Variants in TPD52 observed in about 807,000 individuals in gnomAD.
The protein encoded by TPD52 is tumor protein D52.
A neutral mutation model predicts 31.3 loss-of-function variants in TPD52; 17 were observed. The ratio of observed to expected loss-of-function variants is 0.54; its 90% CI spans 0.37 to 0.82. The LOEUF is 0.82. Among genes scored for constraint, TPD52 ranks in the 40% least tolerant of loss-of-function variants. TPD52 has a pLI of 0.00. For missense variants in TPD52, 212 were observed against 240.1 expected, an observed-to-expected ratio of 0.88 and a Z score of 0.77; for synonymous variants, 83 against 89.6, an observed-to-expected ratio of 0.93 and a Z score of 0.42.
At chr8:80,064,390 T>C (rs976962977) in intron 2 of TPD52, 88 bp downstream of exon 2, 58 of 1,077,930 alleles carry the variant, frequency 5.4e-5, no homozygotes, top group Non-Finnish European at 7.8e-5. Context: ...TGGAACTAAC[T>C]ATAAACATAT....
intron 1 of TPD52, among the ~76,000 whole-genome samples, chr8:80,141,909 C>CA (rs1318880406): frequency 3.0e-4 from 42 of 138,724 alleles, no homozygotes; most frequent in African/African-American, 1.0e-3. Context: ...GACTCTGGCT[C>CA]AAAAAAACAA....
chr8:80,132,543 C>A (rs1306828349), intron 1 of TPD52, among the ~76,000 whole-genome samples: 1 of 152,144 alleles, frequency 6.6e-6, no homozygotes, highest in Non-Finnish European at 1.5e-5. Context: ...TGAAAATTAA[C>A]TTTTCTATGT....
At chr8:80,154,055 C>T (rs963006489) in intron 1 of TPD52, among the ~76,000 whole-genome samples, 10 of 152,242 alleles carry the variant, frequency 6.6e-5, no homozygotes, top group African/African-American at 2.4e-4. Flanking sequence ...GCAGAACCTG[C>T]CCCACTGTGA....
chr8:80,133,837 G>C (rs1352743238), intron 1 of TPD52, among the ~76,000 whole-genome samples: 1 of 151,964 alleles, frequency 6.6e-6, no homozygotes, highest in African/African-American at 2.4e-5. Flanking sequence ...GGGCAAGGAG[G>C]GGGAGGATAT....
chr8:80,076,860 T>C (rs553913966), intron 1 of TPD52, among the ~76,000 whole-genome samples: 4 of 152,278 alleles, frequency 2.6e-5, no homozygotes, highest in African/African-American at 9.6e-5. Context: ...TTGGTAGAGA[T>C]GGGGTTTCAC....
chr8:80,100,457 C>T (rs906335600), intron 1 of TPD52, among the ~76,000 whole-genome samples: 4 of 152,220 alleles, frequency 2.6e-5, no homozygotes, highest in East Asian at 3.8e-4. Context: ...CAATTGTTTT[C>T]GGAACAGAAA....
chr8:80,085,290 G>C (rs1279392367), intron 1 of TPD52, among the ~76,000 whole-genome samples: 1 of 152,200 alleles, frequency 6.6e-6, no homozygotes, highest in Non-Finnish European at 1.5e-5. Flanking sequence ...AACCGGAGAC[G>C]ACTCATGTCA....
chr8:80,033,277 G>A (rs1236235182), downstream of TPD52: 2 of 149,486 alleles, frequency 1.3e-5, no homozygotes, highest in Admixed American at 6.7e-5. Flanking sequence ...AACTCTTCTC[G>A]TTGCCTGCAA....
At chr8:80,140,950 CGTGT>C (rs142097159) in intron 1 of TPD52, among the ~76,000 whole-genome samples, 7,352 of 143,722 alleles carry the variant, frequency 0.051, 225 homozygotes, top group Admixed American at 0.079. Flanking sequence ...CAATACAACT[CGTGT>C]GTGTGTGTGT....
intron 1 of TPD52, among the ~76,000 whole-genome samples, chr8:80,089,299 A>T (rs1230390465): frequency 6.6e-6 from 1 of 152,184 alleles, no homozygotes; most frequent in African/African-American, 2.4e-5. Flanking sequence ...CCAACGTGTG[A>T]TACCCCAGCA....
Position 80,084,116 on chromosome 8 carries a change from A to G in TPD52, c.20-19523T>C, listed in dbSNP as rs139309584. Among the ~76,000 whole-genome samples the G allele has an allele frequency of 3.4e-3, 518 of 152,156 alleles. 4 individuals carry two copies. Among genetic ancestry groups the G allele is most frequent in the African/African-American group, 0.012 (479 of 41,486 alleles). On this transcript the variant is annotated intron_variant, in intron 1 of 7. Transcript: ENST00000518937. The stretch of plus-strand genomic sequence containing the variant: ...GGGTGAGACCCACTCTATTGTTACT[A>G]TGTTTTTCCTTCTGGGAGGGACCAG...
chr8:80,070,735 T>C (rs1813682642), intron 1 of TPD52, among the ~76,000 whole-genome samples: 1 of 152,170 alleles, frequency 6.6e-6, no homozygotes, highest in Admixed American at 6.5e-5. Context: ...ATGAGAAAAC[T>C]GAGGACAGAT....
Position 80,035,165 on chromosome 8 carries a change from C to A in TPD52, c.*2951G>T, listed in dbSNP as rs561859289. ...TTCACTATGGGCAAAAATGTGATTT[C>A]TTCATCTGGGCTTTAAGAGCTATAA... is the stretch of plus-strand genomic sequence containing the variant. On this transcript the variant is annotated 3_prime_UTR_variant, in exon 8 of 8. Coordinates refer to ENST00000518937, the MANE Select transcript of TPD52 (RefSeq NM_001025253.3). 6.6e-6 allele frequency: 1 copy of A among 152,186 alleles called. No homozygotes were observed. Among genetic ancestry groups the A allele is most frequent in the African/African-American group, 2.4e-5 (1 of 41,444 alleles). The allele number at this position is 152,186 out of a possible 1,614,324, so 9.4% of individuals were successfully genotyped here. A position where few individuals can be genotyped will look rare whatever the true frequency, so the allele number is the denominator to read the frequency against.
intron 1 of TPD52, among the ~76,000 whole-genome samples, chr8:80,139,793 T>G (rs2131135411): frequency 6.6e-6 from 1 of 152,046 alleles, no homozygotes; most frequent in African/African-American, 2.4e-5. Flanking sequence ...TACAACGGCG[T>G]TTTTCAATCC....
chr8:80,142,126 C>T (rs1809872754), intron 1 of TPD52, among the ~76,000 whole-genome samples: 1 of 152,128 alleles, frequency 6.6e-6, no homozygotes, highest in South Asian at 2.1e-4. Context: ...TCACTTCTTT[C>T]TCTTAAATGG....
At chr8:80,061,263 C>T (rs192895164) in intron 2 of TPD52, among the ~76,000 whole-genome samples, 17 of 152,138 alleles carry the variant, frequency 1.1e-4, no homozygotes, top group Admixed American at 1.1e-3. Flanking sequence ...ACTCGGGAGG[C>T]TGAGGCAGGA....
Position 80,037,605 on chromosome 8 carries a change from CA to C in TPD52, c.*510del, listed in dbSNP as rs1208064650. 2 of 152,350 alleles carry C rather than the reference CA, an allele frequency of 1.3e-5. No individual in the cohort carries two copies. The highest frequency in any genetic ancestry group is 3.9e-4 in the East Asian group (2 of 5,186). The allele number at this position is 152,350 out of a possible 1,614,324, so 9.4% of individuals were successfully genotyped here. A position where few individuals can be genotyped will look rare whatever the true frequency, so the allele number is the denominator to read the frequency against. ...CCTTATACCAAAACAATGCTTATTC[CA>C]AAATATTTTTTGTAGCTAGTAGTTC... On this transcript the variant is annotated 3_prime_UTR_variant, in exon 8 of 8. Coordinates refer to ENST00000518937, the MANE Select transcript of TPD52 (RefSeq NM_001025253.3).
chr8:80,161,078 A>G (rs532330897), intron 1 of TPD52, among the ~76,000 whole-genome samples: 89 of 152,280 alleles, frequency 5.8e-4, no homozygotes, highest in African/African-American at 2.0e-3. Context: ...AAAAAAAGAA[A>G]AAGAAAAAAA....
chr8:80,132,337 G>T (rs1274296845), intron 1 of TPD52, among the ~76,000 whole-genome samples: 1 of 151,936 alleles, frequency 6.6e-6, no homozygotes, highest in Non-Finnish European at 1.5e-5. Flanking sequence ...GCACTTCTTG[G>T]GTTTACAATA....
Sources: gnomAD v4.1 joint callset for allele counts (sites outside exome capture counted in the v4.1 genomes callset) on GRCh38, gnomAD v4.1.1 for gene constraint, MANE v1.5 for transcripts, NCBI Gene and HGNC (gene_info 2026-07-23, HGNC 2026-07-21) for gene names.